PIK3CA: variants seen among roughly 807,000 people sequenced by gnomAD.
PIK3CA encodes the protein phosphatidylinositol 4,5-bisphosphate 3-kinase catalytic subunit alpha isoform.
Under a neutral mutation model 138.2 loss-of-function variants are expected in PIK3CA, and 27 were observed. The observed-to-expected ratio is 0.20, with a 90% CI of 0.14 to 0.27. The LOEUF (loss-of-function observed/expected upper bound fraction) is 0.27, where lower values mean the gene tolerates loss of function less well. Among genes scored for constraint, PIK3CA ranks in the 10% least tolerant of loss-of-function variants. The probability of loss-of-function intolerance (pLI) is 1.00; values close to 1 mark genes in which losing one functional copy is unlikely to be tolerated. For synonymous variants in PIK3CA, 358 were observed against 413.2 expected (o/e 0.87, Z 1.62); for missense variants, 544 against 1,277.4 (o/e 0.43, Z 8.75).
In PIK3CA at chr3:179,210,260, T is replaced by C; in HGVS notation, c.1326T>C (p.Ala442=). ...ACACTCTAGTATCTGGAAAAATGGC[T>C]TTGAATCTTTGGCCAGTACCTCATG... The part of the protein sequence containing the change: ...YTDTLVSGKM[A]LNLWPVPHGL... Residue 442 remains alanine (A), a synonymous_variant, in exon 8 of 21, where the codon GCT becomes GCC. Coordinates refer to ENST00000263967, the MANE Select transcript of PIK3CA (RefSeq NM_006218.4). 1.3e-6 allele frequency: 2 copies of C among 1,597,406 alleles called. No homozygotes were observed. Among genetic ancestry groups the C allele is most frequent in the African/African-American group, 1.4e-5 (1 of 73,776 alleles).
At chr3:179,198,677 T>C in intron 1 of PIK3CA, 73 bp from the exon 2 acceptor site, 1 of 474,378 alleles carries the variant, frequency 2.1e-6, no homozygotes, top group Non-Finnish European at 3.7e-6. Context: ...AGTTTTTACA[T>C]TTTAGCAGTG....
chr3:179,228,331 A>G (rs1232688622), intron 17 of PIK3CA, among the ~76,000 whole-genome samples: 1 of 152,090 alleles, frequency 6.6e-6, no homozygotes, highest in Non-Finnish European at 1.5e-5. Flanking sequence ...ATGACCATGC[A>G]GGATACTATA....
chr3:179,158,750 G>A (rs1230490094), intron 1 of PIK3CA, among the ~76,000 whole-genome samples: 1 of 152,098 alleles, frequency 6.6e-6, no homozygotes, highest in Non-Finnish European at 1.5e-5. Context: ...GCAACCATGT[G>A]TTTTAATTAT....
chr3:179,177,990 A>G (rs1431903476), intron 1 of PIK3CA, among the ~76,000 whole-genome samples: 1 of 151,444 alleles, frequency 6.6e-6, no homozygotes, highest in Non-Finnish European at 1.5e-5. Context: ...CTTTAATCCC[A>G]GTGCTCTGGG....
At chr3:179,221,599 A>G (rs1333566184) in intron 14 of PIK3CA, among the ~76,000 whole-genome samples, 1 of 151,786 alleles carries the variant, frequency 6.6e-6, no homozygotes, top group Non-Finnish European at 1.5e-5. Context: ...TACATTTCCA[A>G]GTTTAAAATG....
At chr3:179,199,240 T>C in intron 2 of PIK3CA, 63 bp downstream of exon 2, 1 of 1,100,854 alleles carries the variant, frequency 9.1e-7, no homozygotes, top group Admixed American at 2.6e-5. Flanking sequence ...TGTCCCTTTC[T>C]AAAATATTTC....
chr3:179,193,858 G>A (rs903498194), intron 1 of PIK3CA, among the ~76,000 whole-genome samples: 1 of 152,114 alleles, frequency 6.6e-6, no homozygotes, highest in Non-Finnish European at 1.5e-5. Flanking sequence ...GACCCTTAAA[G>A]TGTTTTATTT....
At chr3:179,169,315 C>G (rs1429974914) in intron 1 of PIK3CA, 1 of 152,006 alleles carries the variant, frequency 6.6e-6, no homozygotes, top group Non-Finnish European at 1.5e-5. Context: ...ATGCTTAATT[C>G]TACACACAAA....
At chr3:179,187,616 C>T (rs916390222) in intron 1 of PIK3CA, among the ~76,000 whole-genome samples, 1 of 148,180 alleles carries the variant, frequency 6.7e-6, no homozygotes, top group South Asian at 2.2e-4. Context: ...GAGAACTTTA[C>T]ATATACCATC....
chr3:179,180,076 A>G lies in PIK3CA; in HGVS notation c.-76-18674A>G, dbSNP rs900864867. ...AGTTGTAATGTTTGAGGCTTGAGTCAAGGCTGTATTGCATAGTTACTAGAG... is the reference window on the plus strand; with the variant it reads ...AGTTGTAATGTTTGAGGCTTGAGTCGAGGCTGTATTGCATAGTTACTAGAG... On this transcript the variant is annotated intron_variant, in intron 1 of 20. Transcript: ENST00000263967. Among the ~76,000 whole-genome samples the G allele has an allele frequency of 1.6e-4, 25 of 152,272 alleles. 1 individual carries two copies. The highest frequency in any genetic ancestry group is 6.0e-4 in the African/African-American group (25 of 41,552).
At chr3:179,176,331 G>A (rs1228533449) in intron 1 of PIK3CA, among the ~76,000 whole-genome samples, 1 of 151,928 alleles carries the variant, frequency 6.6e-6, no homozygotes, top group Non-Finnish European at 1.5e-5. Flanking sequence ...AACTTAATGG[G>A]GTTTCATGAG....
intron 1 of PIK3CA, among the ~76,000 whole-genome samples, chr3:179,192,518 G>A (rs754888194): frequency 1.3e-5 from 2 of 152,208 alleles, no homozygotes; most frequent in Non-Finnish European, 2.9e-5. Flanking sequence ...AGTTTGCAGA[G>A]GCAGGGTTTG....
At chr3:179,182,618 C>T (rs1186128446) in intron 1 of PIK3CA, among the ~76,000 whole-genome samples, 1 of 152,018 alleles carries the variant, frequency 6.6e-6, no homozygotes, top group African/African-American at 2.4e-5. Context: ...CTGTAGTGAG[C>T]CGTGTTCGTA....
intron 4 of PIK3CA, among the ~76,000 whole-genome samples, chr3:179,202,943 T>TTG (rs1456948827): frequency 6.8e-6 from 1 of 147,498 alleles, no homozygotes; most frequent in African/African-American, 2.5e-5. Flanking sequence ...ATCCTTGTTT[T>TTG]TTTTTTTTTT....
chr3:179,199,805 C>T lies in PIK3CA; in HGVS notation c.468C>T (p.Leu156=), dbSNP rs2108387593. 6.2e-7 allele frequency: 1 copy of T among 1,612,526 alleles called. No individual in the cohort carries two copies. Among genetic ancestry groups the T allele is most frequent in the Non-Finnish European group, 8.5e-7 (1 of 1,178,710 alleles). The stretch of plus-strand genomic sequence containing the variant: ...AAGAAGCTGTGGATCTTAGGGACCT[C>T]AATTCACCTCATAGTAGAGCAATGT... ...VCKEAVDLRD[L]NSPHSRAMYV... Residue 156 remains leucine, a synonymous_variant, in exon 3 of 21, where the codon CTC becomes CTT. Transcript: ENST00000263967.
At chr3:179,197,963 G>A (rs898603665) in intron 1 of PIK3CA, among the ~76,000 whole-genome samples, 2 of 152,082 alleles carry the variant, frequency 1.3e-5, no homozygotes, top group Non-Finnish European at 2.9e-5. Context: ...TGCACTAACA[G>A]AGAGAGTCAT....
chr3:179,202,663 C>A (rs977158930), intron 4 of PIK3CA, among the ~76,000 whole-genome samples: 1 of 152,116 alleles, frequency 6.6e-6, no homozygotes, highest in African/African-American at 2.4e-5. Flanking sequence ...TTAAAAATCT[C>A]GTCTTAACTA....
intron 1 of PIK3CA, among the ~76,000 whole-genome samples, chr3:179,191,697 C>G (rs931009604): frequency 3.3e-5 from 5 of 152,122 alleles, no homozygotes; most frequent in African/African-American, 1.2e-4. Context: ...AGTGCAATGG[C>G]GCAGTCTCGG....
intron 5 of PIK3CA, 90 bp downstream of exon 5, chr3:179,203,879 T>G: frequency 1.1e-6 from 1 of 915,634 alleles, no homozygotes; most frequent in South Asian, 1.8e-5. Context: ...TGACCTGTAG[T>G]ATGTTTTCAG....
Sources: gnomAD v4.1 joint callset for allele counts (sites outside exome capture counted in the v4.1 genomes callset) on GRCh38, gnomAD v4.1.1 for gene constraint, MANE v1.5 for transcripts, NCBI Gene and HGNC (gene_info 2026-07-23, HGNC 2026-07-21) for gene names.